The following GABRA1 variants were observed in gnomAD, a reference collection of about 807,000 sequenced individuals.
GABRA1 encodes gamma-aminobutyric acid type A receptor subunit alpha1, also known as gamma-aminobutyric acid receptor subunit alpha-1.
A neutral mutation model predicts 48.9 loss-of-function variants in GABRA1; 9 were observed. The observed-to-expected ratio is 0.18, with a 90% CI of 0.11 to 0.32. The LOEUF is 0.32. Among genes scored for constraint, GABRA1 ranks in the 10% least tolerant of loss-of-function variants. The pLI is 1.00. For synonymous variants in GABRA1, 210 were observed against 198.7 expected (o/e 1.06, Z -0.48); for missense variants, 285 against 553.8 (o/e 0.51, Z 4.87).
At chr5:161,884,968 G>A (rs1754781968) in intron 7 of GABRA1, among the ~76,000 whole-genome samples, 1 of 152,104 alleles carries the variant, frequency 6.6e-6, no homozygotes, top group Admixed American at 6.6e-5. Context: ...AAAATACGCA[G>A]TCATTTAGTA....
At position 161,899,454 on chromosome 5, in the gene GABRA1, T is replaced by C. The variant is rs2113477945; in HGVS notation, c.*2032T>C. ...TTGTTATTTTTCGGCGTTATACTAA[T>C]GTGTTTATTGAGAGCATTTTACCTT... On this transcript the variant is annotated 3_prime_UTR_variant, in exon 10 of 10. Coordinates refer to ENST00000393943, the MANE Select transcript of GABRA1 (RefSeq NM_001127644.2). 6.6e-6 allele frequency: 1 copy of C among 152,326 alleles called. No individual in the cohort carries two copies. Among genetic ancestry groups the C allele is most frequent in the South Asian group, 2.1e-4 (1 of 4,834 alleles). 9.4% of individuals were successfully genotyped at this position (152,326 alleles called of 1,614,324 possible).
At position 161,865,346 on chromosome 5, in the gene GABRA1, G is replaced by C. The variant is rs1220269157; in HGVS notation, c.188-375G>C. 2.0e-5 allele frequency among the ~76,000 whole-genome samples: 3 copies of C among 152,198 alleles called. No individual in the cohort carries two copies. The East Asian group carries it at 5.8e-4, about 29-fold the overall frequency. On this transcript the variant is annotated intron_variant, in intron 3 of 9. Coordinates refer to ENST00000393943, the MANE Select transcript of GABRA1 (RefSeq NM_001127644.2). ...TTCCCAAGAGGAGCCTAAATACCTG[G>C]AGGATCTGTCTAGCCATGTAAAAAT...
intron 7 of GABRA1, among the ~76,000 whole-genome samples, chr5:161,883,009 C>T (rs1754683245): frequency 6.6e-6 from 1 of 152,122 alleles, no homozygotes; most frequent in Non-Finnish European, 1.5e-5. Flanking sequence ...TCCTTATTCC[C>T]CAACCTTGTC....
chr5:161,856,168 A>T (rs190381265), intron 3 of GABRA1, among the ~76,000 whole-genome samples: 1 of 151,444 alleles, frequency 6.6e-6, no homozygotes, highest in Admixed American at 6.6e-5. Context: ...CTGGAGAGCC[A>T]TAGAACTTGA....
At chr5:161,875,791 G>A in intron 6 of GABRA1, 149 bp downstream of exon 6, 2 of 691,884 alleles carry the variant, frequency 2.9e-6, no homozygotes, top group Non-Finnish European at 5.3e-6. Context: ...AGTGCTCTGT[G>A]ACTTCACTTT....
At chr5:161,860,572 A>G (rs536759106) in intron 3 of GABRA1, among the ~76,000 whole-genome samples, 1 of 152,026 alleles carries the variant, frequency 6.6e-6, no homozygotes, top group East Asian at 1.9e-4. Context: ...AGTATTTAAT[A>G]GCACAACAGG....
rs755336024 is a variant in GABRA1 at position 161,897,202 on chromosome 5, C to T, written c.1151C>T (p.Pro384Leu). The change falls in exon 10 of 10, where the codon CCG becomes CTG. Residue 384 changes from proline (P) to leucine (L), a missense_variant. Around this residue, in one of 6 missense-constraint regions of GABRA1, gnomAD observed 99 missense variants for 94.2 expected, o/e 1.05. Transcript: ENST00000393943. ...ACCCCTAATTTGGCCAGGGGCGACC[C>T]GGGCTTAGCCACCATTGCTAAAAGT... is the stretch of plus-strand genomic sequence containing the variant. ...SYTPNLARGD[P>L]GLATIAKSAT... The T allele has an allele frequency of 6.2e-6, 10 of 1,613,986 alleles. No individual in the cohort carries two copies. Among genetic ancestry groups the T allele is most frequent in the East Asian group, 4.5e-5 (2 of 44,886 alleles).
intron 7 of GABRA1, among the ~76,000 whole-genome samples, chr5:161,889,078 T>C (rs1156836457): frequency 3.3e-5 from 5 of 152,036 alleles, no homozygotes; most frequent in African/African-American, 1.2e-4. Flanking sequence ...ATACAAGAGA[T>C]ATAAAGTTGA....
chr5:161,870,218 CATT>C (rs1460968062), intron 4 of GABRA1, among the ~76,000 whole-genome samples: 1 of 152,052 alleles, frequency 6.6e-6, no homozygotes, highest in Non-Finnish European at 1.5e-5. Context: ...CATCCATAGT[CATT>C]ATGCTATAGT....
At position 161,898,044 on chromosome 5, in the gene GABRA1, A is replaced by T. The variant is rs1299649439; in HGVS notation, c.*622A>T. The T allele has an allele frequency of 6.6e-6, 1 of 152,000 alleles. No homozygotes were observed. Among genetic ancestry groups the T allele is most frequent in the African/African-American group, 2.4e-5 (1 of 41,404 alleles). 9.4% of individuals were successfully genotyped at this position (152,000 alleles called of 1,614,324 possible). On this transcript the variant is annotated 3_prime_UTR_variant, in exon 10 of 10. Coordinates refer to ENST00000393943, the MANE Select transcript of GABRA1 (RefSeq NM_001127644.2). ...GTCATAAAATGCTATTTTAAAATTC[A>T]TGGAACTTTCATACGTAAAGGTGCA...
intron 3 of GABRA1, among the ~76,000 whole-genome samples, chr5:161,861,331 T>C (rs1051097823): frequency 9.9e-5 from 15 of 151,846 alleles, no homozygotes; most frequent in Non-Finnish European, 2.1e-4. Context: ...AAAAGACTTC[T>C]ACTGACCAAA....
intron 4 of GABRA1, among the ~76,000 whole-genome samples, chr5:161,871,276 T>C (rs1056922270): frequency 2.0e-5 from 3 of 152,162 alleles, no homozygotes; most frequent in Non-Finnish European, 4.4e-5. Flanking sequence ...GCTCGATTCA[T>C]GGGAACGTGG....
At chr5:161,874,545 TG>T (rs1348789698) in intron 5 of GABRA1, among the ~76,000 whole-genome samples, 1 of 152,132 alleles carries the variant, frequency 6.6e-6, no homozygotes, top group Non-Finnish European at 1.5e-5. Flanking sequence ...ATATCCTAAG[TG>T]GTTTATTGAT....
chr5:161,877,453 A>G (rs1482643305), intron 6 of GABRA1, among the ~76,000 whole-genome samples: 2 of 152,174 alleles, frequency 1.3e-5, no homozygotes, highest in Non-Finnish European at 2.9e-5. Flanking sequence ...CTGTCTTAAG[A>G]TGTCTTTAGA....
At chr5:161,870,373 C>G (rs1037435442) in intron 4 of GABRA1, among the ~76,000 whole-genome samples, 1 of 151,890 alleles carries the variant, frequency 6.6e-6, no homozygotes, top group Non-Finnish European at 1.5e-5. Context: ...ACCAGCCTGA[C>G]CAACATGGCG....
intron 4 of GABRA1, among the ~76,000 whole-genome samples, chr5:161,870,811 C>T (rs1273495442): frequency 1.3e-5 from 2 of 152,124 alleles, no homozygotes; most frequent in Non-Finnish European, 2.9e-5. Flanking sequence ...GGAGAGTTCT[C>T]AGAAATGGGA....
At chr5:161,881,281 T>G (rs1754601885) in intron 6 of GABRA1, among the ~76,000 whole-genome samples, 1 of 152,140 alleles carries the variant, frequency 6.6e-6, no homozygotes. Flanking sequence ...ATTCTGCATC[T>G]AAATAGAAGA....
chr5:161,874,911 A>G (rs773977916), intron 5 of GABRA1, among the ~76,000 whole-genome samples: 29 of 152,230 alleles, frequency 1.9e-4, no homozygotes, highest in South Asian at 8.3e-4. Context: ...ACAAGAATAG[A>G]TTTCACATCC....
At chr5:161,887,780 A>C (rs964046333) in intron 7 of GABRA1, among the ~76,000 whole-genome samples, 14 of 152,146 alleles carry the variant, frequency 9.2e-5, no homozygotes, top group Non-Finnish European at 4.4e-5. Context: ...CTGTGTTTTT[A>C]ATCTTCATAC....
Sources: allele counts gnomAD v4.1 joint callset (sites outside exome capture counted in the v4.1 genomes callset), GRCh38; gene constraint gnomAD v4.1.1; regional missense constraint gnomAD v4.1.1; transcripts MANE v1.5; gene names NCBI Gene and HGNC (gene_info 2026-07-23, HGNC 2026-07-21).